AIFM1: variants seen among roughly 807,000 people sequenced by gnomAD.
AIFM1 encodes apoptosis inducing factor mitochondria associated 1.
AIFM1 carries 3 observed loss-of-function variants against 51.7 expected under a neutral mutation model. The ratio of observed to expected loss-of-function variants is 0.06; its 90% CI spans 0.03 to 0.15. AIFM1 has a LOEUF of 0.15. Among genes scored for constraint, AIFM1 ranks in the 10% least tolerant of loss-of-function variants. The pLI, the probability that AIFM1 is intolerant of heterozygous loss-of-function variation, is 1.00. For synonymous variants in AIFM1, 178 were observed against 179.4 expected, an observed-to-expected ratio of 0.99 and a Z score of 0.06; for missense variants, 330 against 476.8, an observed-to-expected ratio of 0.69 and a Z score of 2.87.
At chrX:130,142,954 C>T (rs922536381) in intron 6 of AIFM1, among the ~76,000 whole-genome samples, 1 of 112,279 alleles carries the variant, frequency 8.9e-6, no homozygotes, top group Non-Finnish European at 1.9e-5. Flanking sequence ...CGGTTCTTTT[C>T]TTCCCAGATT....
At chrX:130,142,566 G>A (rs139875839) in intron 6 of AIFM1, among the ~76,000 whole-genome samples, 31 of 111,559 alleles carry the variant, frequency 2.8e-4, no homozygotes, top group African/African-American at 7.2e-4. Flanking sequence ...GCTTTTATCC[G>A]ATTGCCATCT....
intron 3 of AIFM1, among the ~76,000 whole-genome samples, chrX:130,149,094 G>C (rs1255088922): frequency 9.2e-6 from 1 of 108,255 alleles, no homozygotes; most frequent in African/African-American, 3.4e-5. Flanking sequence ...GCTAATTTTT[G>C]TATTTTTAGT....
chrX:130,137,072 C>T lies in AIFM1; in HGVS notation c.1075+6G>A. 8.3e-7 allele frequency: 1 copy of T among 1,211,344 alleles called. No homozygotes were observed. The highest frequency in any genetic ancestry group is 1.1e-6 in the Non-Finnish European group (1 of 895,296). The stretch of plus-strand genomic sequence containing the variant: ...GAGTGGCAGCATATAGAAACAGTCT[C>T]TCTACCTCGTCTGACTTTTTCCATG... On this transcript the variant is annotated splice_donor_region_variant and intron_variant, in intron 10 of 15. Coordinates refer to ENST00000287295, the MANE Select transcript of AIFM1 (RefSeq NM_004208.4).
At chrX:130,136,288 A>C in intron 11 of AIFM1, 103 bp from the exon 12 acceptor site, 2 of 992,521 alleles carry the variant, frequency 2.0e-6, no homozygotes, top group Non-Finnish European at 2.8e-6. Context: ...GACTTTAAAA[A>C]ATCATGGGTT....
intron 6 of AIFM1, among the ~76,000 whole-genome samples, chrX:130,144,598 C>A (rs2030688422): frequency 9.0e-6 from 1 of 111,598 alleles, no homozygotes; most frequent in South Asian, 3.7e-4. Context: ...CATAAGATTG[C>A]CCATTCTGTA....
intron 1 of AIFM1, among the ~76,000 whole-genome samples, chrX:130,161,638 C>T (rs1225445997): frequency 5.0e-5 from 5 of 100,582 alleles, no homozygotes; most frequent in South Asian, 1.0e-3. Context: ...GACAGATTCT[C>T]GCTCTGTCGT....
intron 2 of AIFM1, 144 bp downstream of exon 2, chrX:130,156,317 C>T: frequency 1.5e-6 from 1 of 675,975 alleles, no homozygotes; most frequent in African/African-American, 2.1e-5. Context: ...TATTAGGCAG[C>T]AGGCACTTAA....
rs867520131 is a variant in AIFM1 at position 130,165,534 on chromosome X, T to C, written c.106+17A>G. ...CAGGCCCTCGGACTTGGAGGTTGCC[T>C]GGAATGGGTCAGTCACCTGGGAGCC... On this transcript the variant is annotated intron_variant, in intron 1 of 15. Transcript: ENST00000287295. The C allele has an allele frequency of 3.4e-6, 4 of 1,174,505 alleles. No individual in the cohort carries two copies. The African/African-American group carries it at 5.3e-5, about 15-fold the overall frequency.
chrX:130,139,685 G>A, intron 8 of AIFM1, 110 bp downstream of exon 8: 1 of 681,213 alleles, frequency 1.5e-6, no homozygotes. Context: ...CTGGAGAAGA[G>A]CCATAAATAG....
At chrX:130,138,452 G>T (rs751119352) in intron 9 of AIFM1, 141 bp downstream of exon 9, 1 of 493,456 alleles carries the variant, frequency 2.0e-6, no homozygotes, top group Non-Finnish European at 3.5e-6. Context: ...GTGACAGAGC[G>T]AGACTCCATC....
chrX:130,140,683 G>A (rs2030543973), intron 6 of AIFM1, 66 bp from the exon 7 acceptor site: 1 of 841,918 alleles, frequency 1.2e-6, no homozygotes, highest in Non-Finnish European at 1.8e-6. Flanking sequence ...GTTTTATTGA[G>A]ATATAATTCA....
At chrX:130,130,738 T>C (rs925126512) in intron 14 of AIFM1, among the ~76,000 whole-genome samples, 1 of 112,097 alleles carries the variant, frequency 8.9e-6, no homozygotes, top group African/African-American at 3.2e-5. Flanking sequence ...ACAGGTACTT[T>C]AGACAAAGCA....
rs2031515184 is a variant in AIFM1, at chrX:130,165,803, G to T, written c.-147C>A. On this transcript the variant is annotated 5_prime_UTR_variant, in exon 1 of 16. Transcript: ENST00000287295. ...TCCTCCCAGCTCCGGGTGGGCATTG[G>T]ACAGAGAAGCCGGCCTGCTAGAGCC... 1.8e-6 allele frequency: 1 copy of T among 552,966 alleles called. No homozygotes were observed. Among genetic ancestry groups the T allele is most frequent in the Non-Finnish European group, 3.2e-6 (1 of 316,318 alleles). The allele number at this position is 552,966 out of a possible 1,213,427, so 45.6% of individuals were successfully genotyped here.
At chrX:130,136,867 C>A in intron 10 of AIFM1, 136 bp from the exon 11 acceptor site, 1 of 1,008,142 alleles carries the variant, frequency 9.9e-7, no homozygotes, top group Non-Finnish European at 1.4e-6. Flanking sequence ...GCTGCAAGAA[C>A]CTACACCCAT....
chrX:130,154,732 C>T (rs960731846), intron 2 of AIFM1, among the ~76,000 whole-genome samples: 1 of 112,218 alleles, frequency 8.9e-6, no homozygotes, highest in African/African-American at 3.2e-5. Context: ...GATCGTTTCC[C>T]ACAAAACACA....
At chrX:130,158,362 T>G (rs1274991304) in intron 1 of AIFM1, among the ~76,000 whole-genome samples, 6 of 112,343 alleles carry the variant, frequency 5.3e-5, no homozygotes, top group Non-Finnish European at 1.1e-4. Context: ...GGCTTTGGCC[T>G]GTGGCTGTAG....
intron 9 of AIFM1, chrX:130,137,680 T>C (rs2030404840): frequency 1.8e-6 from 2 of 1,082,343 alleles, no homozygotes; most frequent in African/African-American, 1.9e-5. Context: ...TAGTCTGCAT[T>C]GCCCTTATCA....
chrX:130,156,402 C>T (rs779559771), intron 2 of AIFM1, 59 bp downstream of exon 2: 15 of 1,192,465 alleles, frequency 1.3e-5, no homozygotes, highest in African/African-American at 5.3e-5. Context: ...AGAATACTAT[C>T]GAGTCTATTA....
At chrX:130,157,385 G>A (rs182011694) in intron 1 of AIFM1, among the ~76,000 whole-genome samples, 1 of 112,019 alleles carries the variant, frequency 8.9e-6, no homozygotes, top group East Asian at 2.8e-4. Flanking sequence ...TTCAGATAAA[G>A]GAAGGTCTCA....
Sources: allele counts gnomAD v4.1 joint callset (sites outside exome capture counted in the v4.1 genomes callset), GRCh38; gene constraint gnomAD v4.1.1; transcripts MANE v1.5; gene names NCBI Gene and HGNC (gene_info 2026-07-23, HGNC 2026-07-21).